The following EXPH5 variants were observed in gnomAD, a reference collection of about 807,000 sequenced individuals.
EXPH5 encodes the protein exophilin-5.
In EXPH5, 42 loss-of-function variants were observed where a neutral mutation model predicts 41.1. That is an observed-to-expected ratio of 1.02 (90% CI 0.80 to 1.32). EXPH5 has a LOEUF of 1.32. Among genes scored for constraint, EXPH5 ranks in the 40% most tolerant of loss-of-function variants. The probability of loss-of-function intolerance (pLI) is 0.00; values close to 1 mark genes in which losing one functional copy is unlikely to be tolerated. For synonymous variants in EXPH5, 798 were observed against 833.5 expected (o/e 0.96, Z 0.73); for missense variants, 2,298 against 2,314.5 (o/e 0.99, Z 0.15).
chr11:108,540,176 A>G (rs1461877422), intron 2 of EXPH5, among the ~76,000 whole-genome samples: 3 of 151,926 alleles, frequency 2.0e-5, no homozygotes, highest in Admixed American at 6.6e-5. Context: ...CAAAAAAATT[A>G]GCCAGGTGTG....
At chr11:108,593,285 AC>A in intron 1 of EXPH5, 132 bp downstream of exon 1, 1 of 745,302 alleles carries the variant, frequency 1.3e-6, no homozygotes. Flanking sequence ...TCTCTTCCCG[AC>A]CCGCAGCCTC....
intron 1 of EXPH5, among the ~76,000 whole-genome samples, chr11:108,551,026 T>C (rs571485440): frequency 2.0e-5 from 3 of 152,200 alleles, no homozygotes; most frequent in Admixed American, 6.5e-5. Flanking sequence ...ATCATACCAA[T>C]AAAAAATAAT....
At chr11:108,597,948 A>T (rs2094141015), upstream of EXPH5, among the ~76,000 whole-genome samples, 1 of 152,354 alleles carries the variant, frequency 6.6e-6, no homozygotes, top group East Asian at 1.9e-4. Flanking sequence ...ATGTTCTAGG[A>T]GCTGTGTAGA....
intron 4 of EXPH5, among the ~76,000 whole-genome samples, chr11:108,522,277 T>C (rs531616625): frequency 3.3e-5 from 5 of 152,302 alleles, no homozygotes; most frequent in Non-Finnish European, 4.4e-5. Context: ...TATAGACTTC[T>C]AATTTTTATT....
intron 1 of EXPH5, 51 bp downstream of exon 1, chr11:108,593,367 G>T (rs936641307): frequency 6.6e-7 from 1 of 1,526,586 alleles, no homozygotes; most frequent in Non-Finnish European, 9.0e-7. Flanking sequence ...GCGGATCCCC[G>T]GCCCCTGCGG....
the EXPH5 span, among the ~76,000 whole-genome samples, chr11:108,602,827 T>G: frequency 6.6e-6 from 1 of 152,208 alleles, no homozygotes; most frequent in Non-Finnish European, 1.5e-5. Flanking sequence ...TTTCTCAGGT[T>G]GGTTTAAAAA....
At chr11:108,561,530 T>A (rs2094011576) in intron 1 of EXPH5, among the ~76,000 whole-genome samples, 1 of 152,064 alleles carries the variant, frequency 6.6e-6, no homozygotes, top group South Asian at 2.1e-4. Flanking sequence ...GTGTTGGGAG[T>A]CTGTCCTACT....
At chr11:108,572,238 G>A (rs78161328) in intron 1 of EXPH5, among the ~76,000 whole-genome samples, 2 of 152,166 alleles carry the variant, frequency 1.3e-5, no homozygotes, top group African/African-American at 2.4e-5. Context: ...AAAGTAAAAA[G>A]TGATTCTTTA....
At chr11:108,580,608 A>G (rs908720651) in intron 1 of EXPH5, among the ~76,000 whole-genome samples, 1 of 152,250 alleles carries the variant, frequency 6.6e-6, no homozygotes, top group African/African-American at 2.4e-5. Flanking sequence ...CTATACTTCT[A>G]TATTTATTGC....
In EXPH5 at chr11:108,537,582, G is replaced by A. The variant is rs61913908; in HGVS notation, c.443+1442C>T. 3.3e-3 allele frequency among the ~76,000 whole-genome samples: 499 copies of A among 152,300 alleles called. 1 individual carries two copies. The highest frequency in any genetic ancestry group is 5.4e-3 in the Non-Finnish European group (369 of 68,024). ...ACATTTGCTAAACAGAATGTTGCAA[G>A]AGTTTTAATTTTTTCCAGTTTGGTC... On this transcript the variant is annotated intron_variant, in intron 3 of 5. Transcript: ENST00000265843.
chr11:108,518,816 C>G (rs1053342828), intron 4 of EXPH5, among the ~76,000 whole-genome samples: 8 of 152,164 alleles, frequency 5.3e-5, no homozygotes, highest in Non-Finnish European at 7.4e-5. Context: ...TGATAAAACA[C>G]GTTGCACTAA....
chr11:108,563,988 A>T (rs7926412), intron 1 of EXPH5, among the ~76,000 whole-genome samples: 6,778 of 152,244 alleles, frequency 0.045, 485 homozygotes, highest in African/African-American at 0.15. Context: ...TTAAAGGGAT[A>T]GTAGGAGACG....
At chr11:108,584,972 A>G (rs2094109180) in intron 1 of EXPH5, among the ~76,000 whole-genome samples, 1 of 152,240 alleles carries the variant, frequency 6.6e-6, no homozygotes, top group African/African-American at 2.4e-5. Context: ...CAAGCTACAG[A>G]TGGGAAGAAA....
chr11:108,586,348 A>G (rs2094112766), intron 1 of EXPH5, among the ~76,000 whole-genome samples: 1 of 152,150 alleles, frequency 6.6e-6, no homozygotes, highest in African/African-American at 2.4e-5. Context: ...GCTTCCATTT[A>G]TATAACATTC....
At chr11:108,527,404 A>C (rs761333596) in intron 4 of EXPH5, among the ~76,000 whole-genome samples, 7 of 152,116 alleles carry the variant, frequency 4.6e-5, no homozygotes, top group Non-Finnish European at 7.4e-5. Flanking sequence ...GGAGGGAGAG[A>C]GAGAGAGAGA....
At chr11:108,579,662 T>C (rs1358231523) in intron 1 of EXPH5, among the ~76,000 whole-genome samples, 3 of 152,156 alleles carry the variant, frequency 2.0e-5, no homozygotes, top group Non-Finnish European at 4.4e-5. Context: ...AACAGATATC[T>C]GATAAGTAAA....
In EXPH5 at chr11:108,541,667, C is replaced by T; in HGVS notation, c.265G>A (p.Glu89Lys). 6.3e-7 allele frequency: 1 copy of T among 1,592,038 alleles called. No individual in the cohort carries two copies. The highest frequency in any genetic ancestry group is 1.9e-5 in the Admixed American group (1 of 53,668). Residue 89 changes from glutamate to lysine, a missense_variant, in exon 2 of 6, where the codon GAG (glutamate) becomes AAG (lysine). Glu to Lys is a moderately conservative substitution (Grantham distance 56, BLOSUM62 1). Transcript: ENST00000265843. ...KQPLTYRLSK[E>K]MAKNDPIELP... ...TTTTTCTTACCATTTTTTGCCATCT[C>T]CTTACTTAGCCTGTATGTAAGTGGT...
chr11:108,585,437 A>T (rs1258646403), intron 1 of EXPH5, among the ~76,000 whole-genome samples: 6 of 152,172 alleles, frequency 3.9e-5, no homozygotes, highest in African/African-American at 1.4e-4. Context: ...GAGGCCTGAG[A>T]GGAAGCCTTT....
chr11:108,541,375 C>T (rs1211066409), intron 2 of EXPH5, among the ~76,000 whole-genome samples: 1 of 151,970 alleles, frequency 6.6e-6, no homozygotes, highest in Non-Finnish European at 1.5e-5. Flanking sequence ...GAATCCAGGC[C>T]TCTGTTGACA....
Sources: gnomAD v4.1 joint callset for allele counts (sites outside exome capture counted in the v4.1 genomes callset) on GRCh38, gnomAD v4.1.1 for gene constraint, MANE v1.5 for transcripts, NCBI Gene and HGNC (gene_info 2026-07-23, HGNC 2026-07-21) for gene names.